Variants in DAB1 observed in about 807,000 individuals in gnomAD.
DAB1 encodes DAB adaptor protein 1.
A neutral mutation model predicts 64.6 loss-of-function variants in DAB1; 15 were observed. The observed-to-expected ratio is 0.23, with a 90% CI of 0.16 to 0.36. DAB1 has a LOEUF of 0.36. DAB1 is among the 10% of genes least tolerant of loss of function. The pLI is 1.00. For missense variants in DAB1, 596 were observed against 706.7 expected (o/e 0.84, Z 1.78); for synonymous variants, 235 against 251.9 (o/e 0.93, Z 0.64).
At chr1:57,317,431 C>T (rs1371653671) in intron 1 of DAB1, among the ~76,000 whole-genome samples, 4 of 151,874 alleles carry the variant, frequency 2.6e-5, no homozygotes, top group African/African-American at 4.8e-5. Flanking sequence ...TAAACTAATA[C>T]GTGTTCTTAA....
chr1:57,938,951 G>A (rs1202773), intron 5 of DAB1, among the ~76,000 whole-genome samples: 25,173 of 151,786 alleles, frequency 0.17, 3,146 homozygotes, highest in African/African-American at 0.35. Flanking sequence ...ATGTCCCCTG[G>A]TTACTCATTA....
intron 5 of DAB1, among the ~76,000 whole-genome samples, chr1:57,947,364 C>A (rs1645199430): frequency 6.6e-6 from 1 of 152,178 alleles, no homozygotes; most frequent in Non-Finnish European, 1.5e-5. Context: ...CACCACCCAG[C>A]AACCTCTGCA....
At chr1:57,103,581 C>A (rs1654875857) in intron 4 of DAB1, among the ~76,000 whole-genome samples, 1 of 151,910 alleles carries the variant, frequency 6.6e-6, no homozygotes, top group Admixed American at 6.6e-5. Flanking sequence ...AGTCAGAGGA[C>A]TTTTGAGAAG....
At chr1:58,162,916 G>A (rs1655618726) in intron 4 of DAB1, among the ~76,000 whole-genome samples, 3 of 152,148 alleles carry the variant, frequency 2.0e-5, no homozygotes, top group Admixed American at 2.0e-4. Context: ...GGAACATTTG[G>A]CAATGTCTGA....
intron 7 of DAB1, among the ~76,000 whole-genome samples, chr1:57,546,105 A>ACG (rs796479220): frequency 3.2e-4 from 48 of 150,632 alleles, no homozygotes; most frequent in South Asian, 1.0e-3. Context: ...GTGTGCGCGC[A>ACG]CGTGTGCATG....
At chr1:57,364,855 G>GTA (rs1002902091) in intron 1 of DAB1, among the ~76,000 whole-genome samples, 262 of 144,336 alleles carry the variant, frequency 1.8e-3, no homozygotes, top group Middle Eastern at 7.6e-3. Context: ...ATATATATAT[G>GTA]TATATATATA....
At chr1:58,541,677 A>T (rs1248824135) in intron 1 of DAB1, 1 of 150,430 alleles carries the variant, frequency 6.6e-6, no homozygotes, top group Admixed American at 6.6e-5. Flanking sequence ...AGATTGAGGG[A>T]ATCTAAATAT....
At chr1:57,478,009 C>T (rs1335990775) in intron 7 of DAB1, among the ~76,000 whole-genome samples, 1 of 151,718 alleles carries the variant, frequency 6.6e-6, no homozygotes, top group East Asian at 1.9e-4. Context: ...CCCATTAACT[C>T]GTCATTTACA....
intron 6 of DAB1, among the ~76,000 whole-genome samples, chr1:57,661,054 C>A (rs1448153936): frequency 6.6e-6 from 1 of 152,028 alleles, no homozygotes; most frequent in Non-Finnish European, 1.5e-5. Context: ...AACAATGGTG[C>A]ATTTGTAGAG....
At chr1:57,720,349 C>T (rs1465061951) in intron 6 of DAB1, among the ~76,000 whole-genome samples, 3 of 152,160 alleles carry the variant, frequency 2.0e-5, no homozygotes, top group Non-Finnish European at 4.4e-5. Context: ...GTTAAGATTA[C>T]AGAGGTGGGA....
intron 7 of DAB1, among the ~76,000 whole-genome samples, chr1:57,505,172 A>G (rs1441259619): frequency 6.6e-6 from 1 of 152,242 alleles, no homozygotes; most frequent in East Asian, 1.9e-4. Context: ...AGTGTGGCTT[A>G]TATGGGATCT....
At chr1:58,413,183 T>C (rs779623500) in intron 3 of DAB1, among the ~76,000 whole-genome samples, 2 of 152,158 alleles carry the variant, frequency 1.3e-5, no homozygotes, top group African/African-American at 4.8e-5. Context: ...TATTAGTATC[T>C]CCCTCATGTC....
intron 8 of DAB1, among the ~76,000 whole-genome samples, chr1:57,068,404 G>A (rs998658900): frequency 2.0e-5 from 3 of 152,178 alleles, no homozygotes; most frequent in Non-Finnish European, 4.4e-5. Context: ...AAACAAAGTT[G>A]TTGGTAGAAC....
chr1:57,555,639 C>T (rs953277165), intron 7 of DAB1, among the ~76,000 whole-genome samples: 1 of 152,148 alleles, frequency 6.6e-6, no homozygotes, highest in Admixed American at 6.5e-5. Flanking sequence ...AAAGCCATGG[C>T]TCTTGCTCTT....
intron 7 of DAB1, among the ~76,000 whole-genome samples, chr1:57,599,867 G>A (rs1264808897): frequency 1.3e-5 from 2 of 152,050 alleles, no homozygotes; most frequent in African/African-American, 2.4e-5. Context: ...ACTCCATTCC[G>A]CTCTCCAGCT....
chr1:57,566,284 A>G (rs1324232970), intron 7 of DAB1, among the ~76,000 whole-genome samples: 1 of 152,242 alleles, frequency 6.6e-6, no homozygotes, highest in Non-Finnish European at 1.5e-5. Context: ...CAGTGTGTAG[A>G]GGGAAATTTA....
intron 1 of DAB1, among the ~76,000 whole-genome samples, chr1:57,301,546 C>T (rs1352636520): frequency 6.6e-6 from 1 of 152,118 alleles, no homozygotes; most frequent in Non-Finnish European, 1.5e-5. Flanking sequence ...AGAGAAAAGA[C>T]AAGTATTTAA....
intron 4 of DAB1, among the ~76,000 whole-genome samples, chr1:57,087,986 T>G (rs1301058592): frequency 6.6e-6 from 1 of 152,204 alleles, no homozygotes; most frequent in Non-Finnish European, 1.5e-5. Context: ...CAAGCTCTAC[T>G]TGGCTCCTCT....
chr1:57,650,138 T>C (rs61210867), intron 6 of DAB1, among the ~76,000 whole-genome samples: 3,252 of 152,296 alleles, frequency 0.021, 115 homozygotes, highest in African/African-American at 0.074. Context: ...TTCCTTCTTC[T>C]TCGTCTTCTT....
Sources: allele counts gnomAD v4.1 joint callset (sites outside exome capture counted in the v4.1 genomes callset), GRCh38; gene constraint gnomAD v4.1.1; transcripts MANE v1.5; gene names NCBI Gene and HGNC (gene_info 2026-07-23, HGNC 2026-07-21).